SEMA3E: variants seen among roughly 807,000 people sequenced by gnomAD.
SEMA3E encodes semaphorin-3E.
A neutral mutation model predicts 93.6 loss-of-function variants in SEMA3E; 49 were observed. That is an observed-to-expected ratio of 0.52 (90% CI 0.42 to 0.66). The LOEUF is 0.66. SEMA3E is among the 30% of genes least tolerant of loss of function. The probability of loss-of-function intolerance (pLI) is 0.00; values close to 1 mark genes in which losing one functional copy is unlikely to be tolerated. For synonymous variants in SEMA3E, 363 were observed against 330.7 expected (o/e 1.10, Z -1.06); for missense variants, 906 against 964.8 (o/e 0.94, Z 0.81).
chr7:83,373,583 A>T (rs1410225390), intron 16 of SEMA3E, among the ~76,000 whole-genome samples: 1 of 152,164 alleles, frequency 6.6e-6, no homozygotes, highest in Non-Finnish European at 1.5e-5. Context: ...AACCTATCAC[A>T]CTACGTGGAG....
chr7:83,495,371 A>G (rs559916745), intron 1 of SEMA3E, among the ~76,000 whole-genome samples: 4 of 151,896 alleles, frequency 2.6e-5, no homozygotes, highest in Non-Finnish European at 5.9e-5. Context: ...GAATGCTTCT[A>G]TTTCCAATCT....
chr7:83,523,399 G>A lies in SEMA3E; in HGVS notation c.116-33125C>T, dbSNP rs140072837. ...GGGATGGAGAGGGAGGAAGTCAGAGGCATGTTTTAAAAAATGTAACAAATT... is the reference window on the plus strand; with the variant it reads ...GGGATGGAGAGGGAGGAAGTCAGAGACATGTTTTAAAAAATGTAACAAATT... On this transcript the variant is annotated intron_variant, in intron 1 of 16. Coordinates refer to ENST00000643230, the MANE Select transcript of SEMA3E (RefSeq NM_012431.3). Among the ~76,000 whole-genome samples, 479 of 152,052 alleles carry A rather than the reference G, an allele frequency of 3.2e-3. 3 individuals carry two copies. The highest frequency in any genetic ancestry group is 8.2e-3 in the African/African-American group (342 of 41,508).
intron 14 of SEMA3E, 113 bp downstream of exon 14, chr7:83,392,442 A>T: frequency 8.4e-7 from 1 of 1,196,204 alleles, no homozygotes; most frequent in Non-Finnish European, 1.2e-6. Context: ...CAGTCTCTGT[A>T]CACAATAATT....
rs559097775 is a variant in SEMA3E at position 83,417,644 on chromosome 7, C to G, written c.550+746G>C. Among the ~76,000 whole-genome samples, 4 of 152,188 alleles carry G rather than the reference C, an allele frequency of 2.6e-5. No homozygotes were observed. The East Asian group carries it at 5.8e-4, about 22-fold the overall frequency. ...ACCTATGTCAGTGTTGGGGATTGCTCTTTTTAATTGAAGGCTTAGGAGCTC... is the reference window on the plus strand; with the variant it reads ...ACCTATGTCAGTGTTGGGGATTGCTGTTTTTAATTGAAGGCTTAGGAGCTC... On this transcript the variant is annotated intron_variant, in intron 5 of 16. Coordinates refer to ENST00000643230, the MANE Select transcript of SEMA3E (RefSeq NM_012431.3).
rs563275414 is a variant in SEMA3E, at chr7:83,604,530, G to GTATA, written c.115+43894_115+43897dup. 3.5e-3 allele frequency among the ~76,000 whole-genome samples: 520 copies of GTATA among 146,766 alleles called. 3 individuals are homozygous for GTATA. The highest frequency in any genetic ancestry group is 0.011 in the African/African-American group (448 of 39,788). ...TGTGTACATATATATACATATATATGTATATATATATATGTACATACACAT... is the reference window on the plus strand; with the variant it reads ...TGTGTACATATATATACATATATATGTATATATATATATATATGTACATACACAT... On this transcript the variant is annotated intron_variant, in intron 1 of 16. Transcript: ENST00000643230.
At chr7:83,470,865 T>TC (rs199527453) in intron 2 of SEMA3E, among the ~76,000 whole-genome samples, 8 of 148,656 alleles carry the variant, frequency 5.4e-5, no homozygotes, top group African/African-American at 2.0e-4. Context: ...ACATTTTCTT[T>TC]TTTTTTTTTT....
chr7:83,509,437 G>A (rs1239441218), intron 1 of SEMA3E, among the ~76,000 whole-genome samples: 1 of 152,100 alleles, frequency 6.6e-6, no homozygotes, highest in Non-Finnish European at 1.5e-5. Context: ...TCAGTTTCCT[G>A]GAGGCAACGA....
At position 83,611,005 on chromosome 7, in the gene SEMA3E, AC is replaced by A. The variant is rs556496337; in HGVS notation, c.115+37422del. On this transcript the variant is annotated intron_variant, in intron 1 of 16. Transcript: ENST00000643230. ...TTTAAGAGAAATTCCGAGTTCCCCC[AC>A]CACCATCAAATCTATTAGGTTGGGG... Among the ~76,000 whole-genome samples the A allele has an allele frequency of 2.0e-4, 30 of 151,870 alleles. No individual in the cohort carries two copies. In the South Asian group the frequency reaches 6.0e-3, roughly 30 times the overall value.
Position 83,460,761 on chromosome 7 carries a change from C to T in SEMA3E, c.456+5721G>A, listed in dbSNP as rs75341905. Among the ~76,000 whole-genome samples, 871 of 151,482 alleles carry T rather than the reference C, an allele frequency of 5.7e-3. 10 individuals are homozygous for T. The highest frequency in any genetic ancestry group is 0.019 in the African/African-American group (803 of 41,262). On this transcript the variant is annotated intron_variant, in intron 4 of 16. Coordinates refer to ENST00000643230, the MANE Select transcript of SEMA3E (RefSeq NM_012431.3). ...GCCCCGGCCCCTTATCTCCGTGCCC[C>T]GGCCCCTTATTTCTGCGCCCCATCC...
At position 83,478,244 on chromosome 7, in the gene SEMA3E, G is replaced by A. The variant is rs1342207193; in HGVS notation, c.277-8942C>T. Among the ~76,000 whole-genome samples the A allele has an allele frequency of 5.3e-5, 8 of 152,154 alleles. 1 individual carries two copies. In the East Asian group the frequency reaches 1.2e-3, roughly 22 times the overall value. On this transcript the variant is annotated intron_variant, in intron 2 of 16. Coordinates refer to ENST00000643230, the MANE Select transcript of SEMA3E (RefSeq NM_012431.3). ...GGCCCAATTTTAGCTTTAAATTATA[G>A]TAGTGAGAATAATTTTAGAAAAACA... is the stretch of plus-strand genomic sequence containing the variant.
intron 1 of SEMA3E, among the ~76,000 whole-genome samples, chr7:83,539,310 G>A (rs1791470188): frequency 6.6e-6 from 1 of 152,166 alleles, no homozygotes; most frequent in Non-Finnish European, 1.5e-5. Context: ...CCCCGAGTCA[G>A]TCAGCTTCTG....
chr7:83,562,566 C>T (rs1472332488), intron 1 of SEMA3E, among the ~76,000 whole-genome samples: 1 of 151,390 alleles, frequency 6.6e-6, no homozygotes, highest in African/African-American at 2.4e-5. Context: ...AAGTAATATC[C>T]TCCCCTAGCT....
intron 4 of SEMA3E, among the ~76,000 whole-genome samples, chr7:83,444,803 C>T (rs1408311938): frequency 6.6e-6 from 1 of 151,638 alleles, no homozygotes; most frequent in East Asian, 1.9e-4. Context: ...CCAGAGCAGC[C>T]GGGACTACAG....
intron 1 of SEMA3E, among the ~76,000 whole-genome samples, chr7:83,550,368 AT>A (rs1377585548): frequency 6.6e-6 from 1 of 152,078 alleles, no homozygotes; most frequent in East Asian, 1.9e-4. Context: ...ACCCAGTGAT[AT>A]CAGTGGAATG....
chr7:83,406,727 C>A (rs539083201), intron 7 of SEMA3E, among the ~76,000 whole-genome samples: 12 of 151,968 alleles, frequency 7.9e-5, no homozygotes, highest in African/African-American at 2.9e-4. Flanking sequence ...ATAATTTTAA[C>A]CAACCGAATT....
At chr7:83,484,146 G>C (rs1423164810) in intron 2 of SEMA3E, among the ~76,000 whole-genome samples, 1 of 152,130 alleles carries the variant, frequency 6.6e-6, no homozygotes, top group Non-Finnish European at 1.5e-5. Context: ...TGAGAACACT[G>C]TTTCTCTATC....
chr7:83,565,215 T>C (rs564107875), intron 1 of SEMA3E, among the ~76,000 whole-genome samples: 114 of 152,244 alleles, frequency 7.5e-4, no homozygotes, highest in African/African-American at 2.7e-3. Flanking sequence ...TATGCAGCCA[T>C]AAAAAACAAT....
At chr7:83,545,552 G>GAAAAAAAA (rs3068645) in intron 1 of SEMA3E, among the ~76,000 whole-genome samples, 3 of 86,454 alleles carry the variant, frequency 3.5e-5, no homozygotes, top group Non-Finnish European at 4.4e-5. Context: ...GAAGAGAAAT[G>GAAAAAAAA]AAAAAAAAAA....
chr7:83,629,488 C>A (rs942227155), intron 1 of SEMA3E, among the ~76,000 whole-genome samples: 1 of 152,136 alleles, frequency 6.6e-6, no homozygotes, highest in African/African-American at 2.4e-5. Context: ...AAATGCCCTG[C>A]CCAGAGAGGA....
Sources: allele counts gnomAD v4.1 joint callset (sites outside exome capture counted in the v4.1 genomes callset), GRCh38; gene constraint gnomAD v4.1.1; transcripts MANE v1.5; gene names NCBI Gene and HGNC (gene_info 2026-07-23, HGNC 2026-07-21).